Variants in CYP20A1 observed in about 807,000 individuals in gnomAD.
CYP20A1 encodes the protein cytochrome P450 family 20 subfamily A member 1, also known as cytochrome P450 20A1.
In CYP20A1, 61 loss-of-function variants were observed where a neutral mutation model predicts 61.4. The observed-to-expected ratio is 0.99, with a 90% CI of 0.81 to 1.23. The LOEUF (loss-of-function observed/expected upper bound fraction) is 1.23. CYP20A1 is among the 50% of genes most tolerant of loss of function. The pLI is 0.00. For missense variants in CYP20A1, 530 were observed against 542.4 expected, an observed-to-expected ratio of 0.98 and a Z score of 0.23; for synonymous variants, 193 against 188.2, an observed-to-expected ratio of 1.03 and a Z score of -0.21.
intron 7 of CYP20A1, among the ~76,000 whole-genome samples, chr2:203,279,850 T>C (rs2067973476): frequency 6.6e-6 from 1 of 152,212 alleles, no homozygotes; most frequent in South Asian, 2.1e-4. Flanking sequence ...GTTCATCAAT[T>C]TTAAAAATAT....
chr2:203,296,189 A>G (rs1268432835), intron 11 of CYP20A1, among the ~76,000 whole-genome samples: 1 of 152,112 alleles, frequency 6.6e-6, no homozygotes, highest in Non-Finnish European at 1.5e-5. Context: ...GTTTAAGTCC[A>G]GGAGGTCGAG....
chr2:203,257,354 G>GTTTATTTTCCT (rs1415824760), intron 4 of CYP20A1, among the ~76,000 whole-genome samples: 2 of 151,712 alleles, frequency 1.3e-5, no homozygotes, highest in Admixed American at 1.3e-4. Context: ...GTCAGTTTGG[G>GTTTATTTTCCT]TTTATTTTCC....
At position 203,286,435 on chromosome 2, in the gene CYP20A1, T is replaced by TAGCCCCAAAC. The variant is rs2068275000; in HGVS notation, c.971+703_971+704insAGCCCCAAAC. On this transcript the variant is annotated intron_variant, in intron 9 of 12. Coordinates refer to ENST00000356079, the MANE Select transcript of CYP20A1 (RefSeq NM_177538.3). ...CCTGTTTGCATATATTCATAGCAAA[T>TAGCCCCAAAC]TGGAAGTAGTTCAAATGTTCAACTG... is the stretch of plus-strand genomic sequence containing the variant. 1.7e-3 allele frequency among the ~76,000 whole-genome samples: 12 copies of TAGCCCCAAAC among 7,250 alleles called. No individual in the cohort carries two copies. The South Asian group carries it at 0.025, about 15-fold the overall frequency. 4.8% of individuals were successfully genotyped at this position (7,250 alleles called of 152,430 possible).
chr2:203,296,385 A>T, intron 11 of CYP20A1, 89 bp from the exon 12 acceptor site: 2 of 712,948 alleles, frequency 2.8e-6, no homozygotes, highest in Non-Finnish European at 4.6e-6. Flanking sequence ...GTTGATTTTT[A>T]ACTTTGTTAC....
At position 203,300,981 on chromosome 2, in the gene CYP20A1, G is replaced by A. The variant is rs534523452; in HGVS notation, c.*4073G>A. Among the ~76,000 whole-genome samples the A allele has an allele frequency of 5.3e-5, 8 of 149,958 alleles. No individual in the cohort carries two copies. Among genetic ancestry groups the A allele is most frequent in the African/African-American group, 2.0e-4 (8 of 40,832 alleles). Reference sequence around the variant, plus strand: ...GGAGGCTGAGGCGGGCAGATCACCTGAAGTCAGGAGTTCAAGACCAGCCTG... The same window carrying A: ...GGAGGCTGAGGCGGGCAGATCACCTAAAGTCAGGAGTTCAAGACCAGCCTG... On this transcript the variant is annotated 3_prime_UTR_variant, in exon 13 of 13. Transcript: ENST00000356079.
chr2:203,292,101 T>G (rs910931695), intron 10 of CYP20A1, among the ~76,000 whole-genome samples, 161 bp from the exon 11 acceptor site: 9 of 152,206 alleles, frequency 5.9e-5, no homozygotes, highest in African/African-American at 1.7e-4. Context: ...CCTTCCTCAT[T>G]GTAAGATCAC....
rs2066147121 is a variant in CYP20A1 at position 203,239,129 on chromosome 2, TATCCGGTG to T, written c.69_72+4del. On this transcript the variant is annotated splice_donor_variant and splice_donor_region_variant and coding_sequence_variant and intron_variant, in exon 1 of 13. Transcript: ENST00000356079. LOFTEE classifies it high-confidence loss of function. ...GTTGGTGGGAGCCGTGCTCTACCTC[TATCCGGTG>T]AGCGCCGTCTTGGCTCTCTGGGGCC... 6.2e-7 allele frequency: 1 copy of T among 1,612,828 alleles called. No individual in the cohort carries two copies. The highest frequency in any genetic ancestry group is 8.5e-7 in the Non-Finnish European group (1 of 1,179,550).
At chr2:203,283,735 G>A (rs902572232) in intron 8 of CYP20A1, among the ~76,000 whole-genome samples, 1 of 150,688 alleles carries the variant, frequency 6.6e-6, no homozygotes, top group Non-Finnish European at 1.5e-5. Flanking sequence ...TTTTAGTAGA[G>A]ACAGGGTTTC....
Position 203,251,793 on chromosome 2 carries a change from G to GTA in CYP20A1, c.290-151_290-150dup, listed in dbSNP as rs34020768. Among the ~76,000 whole-genome samples, 479 of 64,202 alleles carry GTA rather than the reference G, an allele frequency of 7.5e-3. 38 individuals are homozygous for GTA. Among genetic ancestry groups the GTA allele is most frequent in the East Asian group, 0.02 (61 of 2,982 alleles). 42.1% of individuals were successfully genotyped at this position (64,202 alleles called of 152,430 possible). On this transcript the variant is annotated intron_variant, in intron 3 of 12. Coordinates refer to ENST00000356079, the MANE Select transcript of CYP20A1 (RefSeq NM_177538.3). ...TCAAAAGAAAACTATATATATATGTGTATATATATATATATATATATATAA... is the reference window on the plus strand; with the variant it reads ...TCAAAAGAAAACTATATATATATGTGTATATATATATATATATATATATATAA...
At chr2:203,280,604 G>C (rs568134946) in intron 8 of CYP20A1, among the ~76,000 whole-genome samples, 3 of 152,236 alleles carry the variant, frequency 2.0e-5, no homozygotes, top group Non-Finnish European at 4.4e-5. Context: ...GGGAAGCTGA[G>C]GCAGGATCAT....
chr2:203,248,007 C>T (rs976830296), intron 3 of CYP20A1, among the ~76,000 whole-genome samples: 2 of 152,138 alleles, frequency 1.3e-5, no homozygotes, highest in Non-Finnish European at 2.9e-5. Context: ...GGGAGGATCA[C>T]TTGAGCCCAG....
intron 3 of CYP20A1, among the ~76,000 whole-genome samples, chr2:203,250,750 G>A (rs1352744215): frequency 1.3e-5 from 2 of 152,064 alleles, no homozygotes; most frequent in East Asian, 3.9e-4. Context: ...AGATTTTTCT[G>A]TCTCTCTCTC....
chr2:203,292,119 A>G (rs1459933414), intron 10 of CYP20A1, 143 bp from the exon 11 acceptor site: 2 of 501,938 alleles, frequency 4.0e-6, no homozygotes, highest in Non-Finnish European at 7.0e-6. Flanking sequence ...CACCAAAATA[A>G]TCACTTGTGG....
intron 6 of CYP20A1, among the ~76,000 whole-genome samples, chr2:203,278,175 G>A (rs891981931): frequency 5.3e-5 from 8 of 152,178 alleles, no homozygotes; most frequent in African/African-American, 1.9e-4. Context: ...TTGGGAGGCT[G>A]AGATGGGAGA....
intron 6 of CYP20A1, among the ~76,000 whole-genome samples, chr2:203,276,071 T>C (rs2067809018): frequency 6.6e-6 from 1 of 152,126 alleles, no homozygotes; most frequent in African/African-American, 2.4e-5. Context: ...TTGCAAGAGA[T>C]GAAACCACTC....
intron 4 of CYP20A1, 39 bp downstream of exon 4, chr2:203,252,148 TA>T: frequency 6.6e-7 from 1 of 1,504,468 alleles, no homozygotes; most frequent in East Asian, 2.5e-5. Flanking sequence ...TTCTACAACA[TA>T]AATAATAGTA....
chr2:203,267,786 T>TGAGCTGAGATTGCACC (rs1197835341), intron 5 of CYP20A1, among the ~76,000 whole-genome samples: 1 of 146,980 alleles, frequency 6.8e-6, no homozygotes, highest in Non-Finnish European at 1.5e-5. Context: ...GAGGTTGCAG[T>TGAGCTGAGATTGCACC]GAGCTGAGAT....
chr2:203,252,189 C>G, intron 4 of CYP20A1, 80 bp downstream of exon 4: 6 of 1,041,076 alleles, frequency 5.8e-6, no homozygotes, highest in Non-Finnish European at 5.2e-6. Context: ...TGTGTACTAT[C>G]TTTGTTACTC....
chr2:203,266,264 T>C (rs994212969), intron 4 of CYP20A1, among the ~76,000 whole-genome samples: 6 of 152,192 alleles, frequency 3.9e-5, no homozygotes, highest in Non-Finnish European at 8.8e-5. Context: ...TTAATTTATA[T>C]TTTCTGTTTT....
Sources: allele counts gnomAD v4.1 joint callset (sites outside exome capture counted in the v4.1 genomes callset), GRCh38; gene constraint gnomAD v4.1.1; transcripts MANE v1.5; gene names NCBI Gene and HGNC (gene_info 2026-07-23, HGNC 2026-07-21).